Variants in NIN observed in about 807,000 individuals in gnomAD.
The protein encoded by NIN is ninein, also known as glycogen synthase kinase 3 beta-interacting protein.
In NIN, 137 loss-of-function variants were observed where a neutral mutation model predicts 257.6. The observed-to-expected ratio is 0.53, with a 90% CI of 0.46 to 0.61. NIN has a LOEUF of 0.61. Ranked by LOEUF, NIN falls within the 20% of genes least tolerant of loss-of-function variation. NIN has a pLI of 0.00. For missense variants in NIN, 2,439 were observed against 2,501.2 expected, an observed-to-expected ratio of 0.98 and a Z score of 0.53; for synonymous variants, 918 against 919.8, an observed-to-expected ratio of 1.00 and a Z score of 0.04.
In NIN at chr14:50,778,632, A is replaced by G. The variant is rs2043009904; in HGVS notation, c.475+133T>C. 3 of 757,200 alleles carry G rather than the reference A, an allele frequency of 4.0e-6. No homozygotes were observed. In the African/African-American group the frequency reaches 5.2e-5, roughly 13 times the overall value. 46.9% of individuals were successfully genotyped at this position (757,200 alleles called of 1,614,324 possible). A position where few individuals can be genotyped will look rare whatever the true frequency, so the allele number is the denominator to read the frequency against. On this transcript the variant is annotated intron_variant, in intron 6 of 30. Coordinates refer to ENST00000530997, the MANE Select transcript of NIN (RefSeq NM_020921.4). ...TAAAACTAAAAGCTATCAATTGGGA[A>G]TAAATTTTTTGTTGCTGTTGTTCTT...
chr14:50,788,260 G>A (rs867537301), intron 5 of NIN, among the ~76,000 whole-genome samples: 2 of 152,140 alleles, frequency 1.3e-5, no homozygotes, highest in Non-Finnish European at 2.9e-5. Context: ...TCTCCCACCC[G>A]TGCCACCATA....
chr14:50,730,014 A>T (rs943991108), intron 28 of NIN, among the ~76,000 whole-genome samples: 2 of 151,962 alleles, frequency 1.3e-5, no homozygotes, highest in African/African-American at 4.8e-5. Context: ...ATACATGTGA[A>T]TTCTATTTCA....
At position 50,781,410 on chromosome 14, in the gene NIN, G is replaced by C. The variant is rs551653626; in HGVS notation, c.436-2606C>G. Among the ~76,000 whole-genome samples the C allele has an allele frequency of 2.6e-5, 4 of 152,248 alleles. No individual in the cohort carries two copies. In the South Asian group the frequency reaches 8.3e-4, roughly 32 times the overall value. On this transcript the variant is annotated intron_variant, in intron 5 of 30. Transcript: ENST00000530997. ...TCAAAAAATCCTCGTCATTACTAAA[G>C]CACTGGCTCATTTACTTCTCAGTTC...
At chr14:50,765,198 C>T (rs2042432423) in intron 14 of NIN, among the ~76,000 whole-genome samples, 1 of 152,104 alleles carries the variant, frequency 6.6e-6, no homozygotes, top group African/African-American at 2.4e-5. Context: ...GATCACACCA[C>T]CGTACTCCAG....
At chr14:50,825,775 A>C (rs925552332) in intron 2 of NIN, among the ~76,000 whole-genome samples, 2 of 152,230 alleles carry the variant, frequency 1.3e-5, no homozygotes, top group Non-Finnish European at 2.9e-5. Flanking sequence ...CCAGTTGAAC[A>C]GTACTAAGCA....
chr14:50,742,603 C>T (rs2041343139), intron 24 of NIN, among the ~76,000 whole-genome samples: 1 of 152,012 alleles, frequency 6.6e-6, no homozygotes, highest in Non-Finnish European at 1.5e-5. Context: ...ACTGTGTTAG[C>T]CAGGATGGTC....
intron 14 of NIN, 85 bp from the exon 15 acceptor site, chr14:50,764,049 C>A: frequency 8.2e-7 from 1 of 1,217,016 alleles, no homozygotes. Context: ...AATTGGATAT[C>A]ATCAAAACAA....
chr14:50,724,874 G>T (rs2040352264), intron 30 of NIN, among the ~76,000 whole-genome samples: 1 of 152,172 alleles, frequency 6.6e-6, no homozygotes, highest in African/African-American at 2.4e-5. Context: ...TCCTGGGTTG[G>T]ATCAAATATG....
intron 30 of NIN, chr14:50,724,252 G>A (rs2040332574): frequency 9.6e-6 from 2 of 208,200 alleles, no homozygotes; most frequent in African/African-American, 4.6e-5. Context: ...GGGAAAACTT[G>A]TTAGCAGCCT....
Position 50,754,782 on chromosome 14 carries a change from G to C in NIN, c.4624C>G (p.Leu1542Val). ...TLNEEDSISN[L>V]KLGTLNGSQE... ...GATCCATTTAATGTCCCTAATTTCA[G>C]GTTAGAAATGCTATCTTCTTCATTT... Residue 1542 changes from leucine to valine, a missense_variant, in exon 19 of 31, where the codon CTG becomes GTG. Leu to Val is a conservative substitution (Grantham distance 32). This residue lies in a region of NIN where 2,043 missense variants were observed against 2,050.2 expected (regional missense o/e 1.00). Transcript: ENST00000530997. 1.9e-6 allele frequency: 3 copies of C among 1,580,710 alleles called. No homozygotes were observed. Among genetic ancestry groups the C allele is most frequent in the Non-Finnish European group, 2.6e-6 (3 of 1,157,950 alleles).
rs374693345 is a variant in NIN, at chr14:50,759,453, T to C, written c.2399+404A>G. On this transcript the variant is annotated intron_variant, in intron 17 of 30. Coordinates refer to ENST00000530997, the MANE Select transcript of NIN (RefSeq NM_020921.4). Reference sequence around the variant, plus strand: ...AAAAGAGTCTACTCAATCAATGGGCTATTATGCCTTCTGACTTCTTCAAGT... The same window carrying C: ...AAAAGAGTCTACTCAATCAATGGGCCATTATGCCTTCTGACTTCTTCAAGT... 5.9e-4 allele frequency among the ~76,000 whole-genome samples: 90 copies of C among 151,844 alleles called. 1 individual carries two copies. In the East Asian group the frequency reaches 9.1e-3, roughly 15 times the overall value.
At chr14:50,782,695 T>C (rs544844101) in intron 5 of NIN, among the ~76,000 whole-genome samples, 1 of 152,390 alleles carries the variant, frequency 6.6e-6, no homozygotes, top group East Asian at 1.9e-4. Flanking sequence ...CACTATTTAT[T>C]TGCCCACTAA....
At chr14:50,728,647 T>A (rs2181088) in intron 29 of NIN, among the ~76,000 whole-genome samples, 1 of 152,046 alleles carries the variant, frequency 6.6e-6, no homozygotes, top group Non-Finnish European at 1.5e-5. Context: ...AAAGGATTAA[T>A]GTAGAATTCC....
At position 50,744,347 on chromosome 14, in the gene NIN, G is replaced by A. The variant is rs368708427; in HGVS notation, c.5083C>T (p.Leu1695Phe). The A allele has an allele frequency of 9.9e-6, 16 of 1,613,900 alleles. No individual in the cohort carries two copies. The highest frequency in any genetic ancestry group is 1.3e-5 in the Non-Finnish European group (15 of 1,179,972). Residue 1695 changes from leucine (L) to phenylalanine (F), a missense_variant, in exon 23 of 31, where the codon CTC becomes TTC. By Grantham distance (22) the Leu-to-Phe change is conservative. Coordinates refer to ENST00000530997, the MANE Select transcript of NIN (RefSeq NM_020921.4). ...KMKQLHRCPDLSDFQQKISSV... is the reference protein window; with the variant it reads ...KMKQLHRCPDFSDFQQKISSV... ...GAGATTTTTTGCTGGAAGTCAGAGA[G>A]ATCGGGACATCTGTGCAGCTGTAAG...
intron 29 of NIN, 42 bp from the exon 30 acceptor site, chr14:50,726,108 C>T: frequency 4.8e-6 from 7 of 1,455,110 alleles, no homozygotes; most frequent in Non-Finnish European, 6.7e-6. Flanking sequence ...TCATGTCACA[C>T]TGAAAACACT....
At chr14:50,785,344 G>A (rs759659133) in intron 5 of NIN, among the ~76,000 whole-genome samples, 5 of 152,242 alleles carry the variant, frequency 3.3e-5, no homozygotes. Context: ...CTGCTCCAGC[G>A]CAGACCTTTG....
rs2042790337 is a variant in NIN at position 50,772,934 on chromosome 14, C to T, written c.813+15G>A. ...ACTTTTATTCACAAAGAAAGCACTT[C>T]TGCTTATTTTTTACCTGCATGGAAA... On this transcript the variant is annotated intron_variant, in intron 8 of 30. Transcript: ENST00000530997. The T allele has an allele frequency of 2.5e-6, 4 of 1,601,008 alleles. No homozygotes were observed. The highest frequency in any genetic ancestry group is 3.4e-6 in the Non-Finnish European group (4 of 1,174,892).
chr14:50,766,795 A>G lies in NIN; in HGVS notation c.1530T>C (p.Asn510=). The G allele has an allele frequency of 1.2e-6, 2 of 1,611,914 alleles. No individual in the cohort carries two copies. The highest frequency in any genetic ancestry group is 1.7e-6 in the Non-Finnish European group (2 of 1,178,146). The change falls in exon 13 of 31, where the codon AAT becomes AAC. Residue 510 remains asparagine, a synonymous_variant. Coordinates refer to ENST00000530997, the MANE Select transcript of NIN (RefSeq NM_020921.4). The part of the protein sequence containing the change: ...LTNKLQRNLE[N]VLAEKFGDLD... The stretch of plus-strand genomic sequence containing the variant: ...ACAGGTTTACCTTTTCTGCTAACAC[A>G]TTTTCCAAATTTCTCTGAAGTTTGT...
chr14:50,831,244 G>T (rs1403600430), upstream of NIN: 1 of 151,798 alleles, frequency 6.6e-6, no homozygotes, highest in Non-Finnish European at 1.5e-5. Flanking sequence ...CTCAGGCAGC[G>T]GAGGGAGGAG....
Sources: gnomAD v4.1 joint callset for allele counts (sites outside exome capture counted in the v4.1 genomes callset) on GRCh38, gnomAD v4.1.1 for gene constraint, gnomAD v4.1.1 regional missense constraint, MANE v1.5 for transcripts, NCBI Gene and HGNC (gene_info 2026-07-23, HGNC 2026-07-21) for gene names.